Variants in RYR2 observed in about 807,000 individuals in gnomAD.
RYR2 encodes cardiac muscle ryanodine receptor-calcium release channel.
RYR2 carries 227 observed loss-of-function variants against 601.1 expected under a neutral mutation model. That is an observed-to-expected ratio of 0.38 (90% confidence interval 0.34 to 0.42). The LOEUF (loss-of-function observed/expected upper bound fraction) is 0.42, where lower values mean the gene tolerates loss of function less well. Among genes scored for constraint, RYR2 ranks in the 10% least tolerant of loss-of-function variants. RYR2 has a pLI of 1.00. For synonymous variants in RYR2, 2,223 were observed against 2,175.1 expected, an observed-to-expected ratio of 1.02 and a Z score of -0.61; for missense variants, 4,646 against 6,156.5, an observed-to-expected ratio of 0.75 and a Z score of 8.21.
At chr1:237,425,404 G>A (rs985251990) in intron 12 of RYR2, among the ~76,000 whole-genome samples, 2 of 152,102 alleles carry the variant, frequency 1.3e-5, no homozygotes, top group Non-Finnish European at 2.9e-5. Context: ...GCTTACACCT[G>A]TAATCCCAGC....
In RYR2 at chr1:237,680,524, A is replaced by T. The variant is rs779634887; in HGVS notation, c.8964A>T (p.Arg2988Ser). 1.9e-6 allele frequency: 3 copies of T among 1,606,546 alleles called. No homozygotes were observed. Among genetic ancestry groups the T allele is most frequent in the Non-Finnish European group, 2.6e-6 (3 of 1,174,632 alleles). Residue 2988 changes from arginine to serine, a missense_variant, in exon 62 of 105, where the codon AGA becomes AGT. Coordinates refer to ENST00000366574, the MANE Select transcript of RYR2 (RefSeq NM_001035.3). ...TATACTTCTTATCTGCAGCAAGCAG[A>T]CCTCTCTGCTCTGGAGGACATGCTT... is the stretch of plus-strand genomic sequence containing the variant. Reference protein sequence around the residue: ...HRLYFLSAASRPLCSGGHASN... With the variant: ...HRLYFLSAASSPLCSGGHASN...
chr1:237,774,039 C>G (rs1167640832), intron 87 of RYR2, among the ~76,000 whole-genome samples: 4 of 152,140 alleles, frequency 2.6e-5, no homozygotes, highest in Admixed American at 1.3e-4. Flanking sequence ...TTGAAAACAT[C>G]GCATATGTAT....
chr1:237,718,973 G>A (rs896453548), intron 73 of RYR2, among the ~76,000 whole-genome samples: 1 of 152,116 alleles, frequency 6.6e-6, no homozygotes, highest in African/African-American at 2.4e-5. Context: ...GTGTCTATAA[G>A]AAAATGTTGG....
intron 65 of RYR2, among the ~76,000 whole-genome samples, chr1:237,700,927 A>G (rs1040319390): frequency 6.6e-6 from 1 of 152,222 alleles, no homozygotes; most frequent in Non-Finnish European, 1.5e-5. Flanking sequence ...GAGTGGCTCA[A>G]ATATCCTCTG....
chr1:237,141,199 A>G (rs1673353190), intron 1 of RYR2, among the ~76,000 whole-genome samples: 1 of 152,178 alleles, frequency 6.6e-6, no homozygotes, highest in Admixed American at 6.5e-5. Context: ...CATGGTTTAT[A>G]GAAACAATGT....
At chr1:237,536,415 AC>A (rs1388578028) in intron 25 of RYR2, among the ~76,000 whole-genome samples, 1 of 149,874 alleles carries the variant, frequency 6.7e-6, no homozygotes, top group Non-Finnish European at 1.5e-5. Context: ...ACTAAAAAAT[AC>A]AAAAAATTAG....
intron 1 of RYR2, among the ~76,000 whole-genome samples, chr1:237,064,987 T>C (rs1572506666): frequency 6.6e-6 from 1 of 152,102 alleles, no homozygotes; most frequent in East Asian, 1.9e-4. Flanking sequence ...AACTAACTTT[T>C]GGTGGCACGT....
chr1:237,240,683 A>AG (rs1558481244), intron 1 of RYR2, among the ~76,000 whole-genome samples: 1 of 149,044 alleles, frequency 6.7e-6, no homozygotes, highest in Admixed American at 6.7e-5. Flanking sequence ...AAAAAAAAAA[A>AG]AAAAAACAGT....
intron 10 of RYR2, among the ~76,000 whole-genome samples, chr1:237,400,485 T>C (rs186720657): frequency 1.8e-4 from 28 of 152,206 alleles, no homozygotes; most frequent in Admixed American, 3.9e-4. Context: ...ACCCTGAATA[T>C]AGGAGATCTA....
At chr1:237,195,304 A>G (rs1680430324) in intron 1 of RYR2, among the ~76,000 whole-genome samples, 1 of 152,220 alleles carries the variant, frequency 6.6e-6, no homozygotes, top group South Asian at 2.1e-4. Flanking sequence ...CCCAAACTGG[A>G]GTGCAATGAT....
At chr1:237,498,673 G>A (rs942643222) in intron 20 of RYR2, among the ~76,000 whole-genome samples, 1 of 151,696 alleles carries the variant, frequency 6.6e-6, no homozygotes, top group South Asian at 2.1e-4. Flanking sequence ...TCAATTTGAA[G>A]CTTTTTCTTT....
chr1:237,322,962 A>G (rs1695779755), intron 2 of RYR2, among the ~76,000 whole-genome samples: 1 of 151,796 alleles, frequency 6.6e-6, no homozygotes, highest in Admixed American at 6.6e-5. Flanking sequence ...TTCCATTTAT[A>G]TGTTTGTTCT....
At chr1:237,617,530 T>C (rs767376946) in intron 38 of RYR2, 44 bp downstream of exon 38, 18 of 1,586,818 alleles carry the variant, frequency 1.1e-5, no homozygotes, top group Non-Finnish European at 1.6e-5. Context: ...TGTTGGCTTT[T>C]AGTCATTCAG....
At chr1:237,216,942 G>A (rs1419676772) in intron 1 of RYR2, among the ~76,000 whole-genome samples, 1 of 152,128 alleles carries the variant, frequency 6.6e-6, no homozygotes, top group South Asian at 2.1e-4. Flanking sequence ...CCAAAGTGAA[G>A]GACTCTTCCC....
chr1:237,174,792 A>G (rs1677829942), intron 1 of RYR2, among the ~76,000 whole-genome samples: 1 of 152,192 alleles, frequency 6.6e-6, no homozygotes, highest in Non-Finnish European at 1.5e-5. Context: ...TACTCCAACA[A>G]TGACACAGGA....
chr1:237,625,213 TTCTC>T (rs761259363), intron 39 of RYR2, among the ~76,000 whole-genome samples: 2 of 152,114 alleles, frequency 1.3e-5, no homozygotes, highest in Non-Finnish European at 2.9e-5. Flanking sequence ...ATTATGCCTG[TTCTC>T]TCTGTTTCTC....
At chr1:237,125,672 T>A (rs1356381674) in intron 1 of RYR2, among the ~76,000 whole-genome samples, 1 of 152,188 alleles carries the variant, frequency 6.6e-6, no homozygotes, top group East Asian at 1.9e-4. Context: ...AAAAAATCAG[T>A]GTAGACAGTT....
intron 2 of RYR2, among the ~76,000 whole-genome samples, chr1:237,271,279 G>C (rs1311981203): frequency 6.6e-6 from 1 of 152,068 alleles, no homozygotes; most frequent in Non-Finnish European, 1.5e-5. Context: ...AAAATCAAAG[G>C]CAGAACTAAC....
rs1484029535 is a variant in RYR2, at chr1:237,502,457, GGA to G, written c.2397-831_2397-830del. 5.9e-3 allele frequency among the ~76,000 whole-genome samples: 896 copies of G among 152,238 alleles called. 10 individuals carry two copies. The highest frequency in any genetic ancestry group is 0.01 in the Middle Eastern group (3 of 294). ...TTTTGGCCTTAGGCACCGCTTTTGT[GGA>G]AGACAATTTTTCTACGGGCCAGGGC... On this transcript the variant is annotated intron_variant, in intron 21 of 104. Transcript: ENST00000366574.
Sources: allele counts gnomAD v4.1 joint callset (sites outside exome capture counted in the v4.1 genomes callset), GRCh38; gene constraint gnomAD v4.1.1; transcripts MANE v1.5; gene names NCBI Gene and HGNC (gene_info 2026-07-23, HGNC 2026-07-21).